RIN3: variants seen among roughly 807,000 people sequenced by gnomAD.
RIN3 encodes the protein Ras and Rab interactor 3, also known as RAB5 interacting protein 3.
In RIN3, 54 loss-of-function variants were observed where a neutral mutation model predicts 76.3. The ratio of observed to expected loss-of-function variants is 0.71; its 90% CI spans 0.57 to 0.89. The LOEUF (loss-of-function observed/expected upper bound fraction) is 0.89, where lower values mean the gene tolerates loss of function less well. RIN3 is among the 40% of genes least tolerant of loss of function. The pLI, the probability that RIN3 is intolerant of heterozygous loss-of-function variation, is 0.00. For missense variants in RIN3, 1,256 were observed against 1,322.1 expected (o/e 0.95, Z 0.78); for synonymous variants, 576 against 564.0 (o/e 1.02, Z -0.30).
chr14:92,604,420 G>A (rs1333372116), intron 3 of RIN3, among the ~76,000 whole-genome samples: 1 of 152,176 alleles, frequency 6.6e-6, no homozygotes, highest in Non-Finnish European at 1.5e-5. Context: ...AGGTGGATTT[G>A]GAATAGGTTG....
intron 7 of RIN3, among the ~76,000 whole-genome samples, chr14:92,672,682 G>GTGTA (rs1480464293): frequency 6.6e-6 from 1 of 152,080 alleles, no homozygotes; most frequent in Non-Finnish European, 1.5e-5. Context: ...GTGTGTGTGT[G>GTGTA]TGTGTGTATA....
Position 92,688,071 on chromosome 14 carries a change from T to C in RIN3, c.2777T>C (p.Leu926Pro), listed in dbSNP as rs1300655595. 24 of 1,605,562 alleles carry C rather than the reference T, an allele frequency of 1.5e-5. No homozygotes were observed. The highest frequency in any genetic ancestry group is 2.0e-5 in the Non-Finnish European group (24 of 1,177,200). Residue 926 changes from leucine to proline, a missense_variant, in exon 10 of 10, where the codon CTG becomes CCG. Transcript: ENST00000216487. ...ERPQAHRLFVLVDGRCFQLAD... is the reference protein window; with the variant it reads ...ERPQAHRLFVPVDGRCFQLAD... ...CCGCAGGCGCACCGGCTGTTCGTGCTGGTGGACGGGCGCTGCTTCCAGCTG... is the reference window on the plus strand; with the variant it reads ...CCGCAGGCGCACCGGCTGTTCGTGCCGGTGGACGGGCGCTGCTTCCAGCTG...
At chr14:92,607,122 T>C (rs1176588706) in intron 3 of RIN3, among the ~76,000 whole-genome samples, 6 of 152,226 alleles carry the variant, frequency 3.9e-5, no homozygotes. Context: ...CCAAACAGGA[T>C]ATACAGATGG....
intron 2 of RIN3, 156 bp from the exon 3 acceptor site, chr14:92,577,203 TG>T: frequency 1.7e-6 from 1 of 582,346 alleles, no homozygotes. Flanking sequence ...GCAAGGCTCT[TG>T]GGGCAGAACC....
chr14:92,556,537 A>G (rs373161962), intron 2 of RIN3, among the ~76,000 whole-genome samples: 1 of 152,076 alleles, frequency 6.6e-6, no homozygotes, highest in Non-Finnish European at 1.5e-5. Context: ...GGGAAGATAG[A>G]TGATGGATGG....
At chr14:92,671,776 G>A (rs184986541) in intron 7 of RIN3, among the ~76,000 whole-genome samples, 279 of 152,284 alleles carry the variant, frequency 1.8e-3, no homozygotes, top group Non-Finnish European at 2.9e-3. Flanking sequence ...TTTCTCACCC[G>A]TGGCCCTGTG....
chr14:92,687,884 A>G (rs1888924019), intron 9 of RIN3, 42 bp from the exon 10 acceptor site: 1 of 1,477,338 alleles, frequency 6.8e-7, no homozygotes, highest in Non-Finnish European at 9.0e-7. Context: ...GCCTGAGGAG[A>G]CAGGGCCCCG....
At chr14:92,556,611 T>C (rs79561030) in intron 2 of RIN3, among the ~76,000 whole-genome samples, 4 of 37,622 alleles carry the variant, frequency 1.1e-4, no homozygotes, top group Non-Finnish European at 2.3e-4. Flanking sequence ...CGTATGGACA[T>C]ACAGACAGAC....
chr14:92,676,528 C>T lies in RIN3; in HGVS notation c.2389C>T (p.Arg797Cys), dbSNP rs138513236. 49 of 1,614,124 alleles carry T rather than the reference C, an allele frequency of 3.0e-5. No homozygotes were observed. Among genetic ancestry groups the T allele is most frequent in the Admixed American group, 2.2e-4 (13 of 60,024 alleles). ...FLPVLMYVLA[R>C]SNLTEMLLNV... ...GCCTGTGCTCATGTATGTGCTGGCC[C>T]GCAGCAACCTCACGGAGATGCTTCT... The change falls in exon 8 of 10, where the codon CGC becomes TGC. Residue 797 changes from arginine to cysteine, a missense_variant. Coordinates refer to ENST00000216487, the MANE Select transcript of RIN3 (RefSeq NM_024832.5).
chr14:92,532,014 C>T (rs1025304856), intron 1 of RIN3, among the ~76,000 whole-genome samples: 16 of 150,736 alleles, frequency 1.1e-4, no homozygotes, highest in African/African-American at 3.7e-4. Flanking sequence ...CTGCAACCTC[C>T]GCCTCCTGGG....
intron 5 of RIN3, among the ~76,000 whole-genome samples, chr14:92,647,891 G>A (rs1048444461): frequency 6.6e-6 from 1 of 152,126 alleles, no homozygotes; most frequent in Non-Finnish European, 1.5e-5. Flanking sequence ...CAGCAAAATC[G>A]TGGCCTCAGT....
chr14:92,654,259 A>G (rs1013017143), intron 6 of RIN3, among the ~76,000 whole-genome samples: 1 of 151,988 alleles, frequency 6.6e-6, no homozygotes, highest in African/African-American at 2.4e-5. Context: ...GGTTGCAGTG[A>G]GCCGAGATTG....
chr14:92,599,450 A>AGTG (rs1885266432), intron 3 of RIN3, among the ~76,000 whole-genome samples: 1 of 152,210 alleles, frequency 6.6e-6, no homozygotes, highest in Non-Finnish European at 1.5e-5. Context: ...AAGAGGAGCC[A>AGTG]GTGGTGCCTC....
intron 3 of RIN3, among the ~76,000 whole-genome samples, chr14:92,589,787 G>C (rs17128410): frequency 0.033 from 5,088 of 152,288 alleles, 163 homozygotes; most frequent in Admixed American, 0.096. Context: ...GGGTGTTCAG[G>C]ATTAGAAAAC....
chr14:92,678,696 A>G (rs76806990), intron 8 of RIN3, among the ~76,000 whole-genome samples: 1,829 of 152,158 alleles, frequency 0.012, 29 homozygotes, highest in African/African-American at 0.042. Flanking sequence ...CCACTCGCCC[A>G]TCTACCCTTC....
intron 1 of RIN3, chr14:92,515,545 A>T (rs1896418363): frequency 2.2e-6 from 1 of 448,032 alleles, no homozygotes; most frequent in Admixed American, 4.2e-5. Flanking sequence ...GACTAAATAC[A>T]CAGAGTTGAA....
chr14:92,539,598 T>G (rs1206320537), intron 1 of RIN3, among the ~76,000 whole-genome samples: 1 of 152,092 alleles, frequency 6.6e-6, no homozygotes, highest in African/African-American at 2.4e-5. Context: ...TACCGTCACC[T>G]GTAAGCTTGG....
chr14:92,545,355 C>A lies in RIN3; in HGVS notation c.45-10396C>A, dbSNP rs1897236443. Reference sequence around the variant, plus strand: ...TTGATCTCCTGACCTCGTGATCCACCTGCCTCGGCCTCCCAAAGTGCTGGG... The same window carrying A: ...TTGATCTCCTGACCTCGTGATCCACATGCCTCGGCCTCCCAAAGTGCTGGG... On this transcript the variant is annotated intron_variant, in intron 1 of 9. Coordinates refer to ENST00000216487, the MANE Select transcript of RIN3 (RefSeq NM_024832.5). Among the ~76,000 whole-genome samples, 6 of 151,980 alleles carry A rather than the reference C, an allele frequency of 3.9e-5. No homozygotes were observed. The South Asian group carries it at 1.2e-3, about 31-fold the overall frequency.
chr14:92,540,664 C>CAGCTTCACACACGTCT (rs1256870120), intron 1 of RIN3, among the ~76,000 whole-genome samples: 70 of 152,316 alleles, frequency 4.6e-4, no homozygotes, highest in African/African-American at 1.6e-3. Flanking sequence ...AGCTGTGGCT[C>CAGCTTCACACACGTCT]AGCTTCACAC....
Sources: gnomAD v4.1 joint callset for allele counts (sites outside exome capture counted in the v4.1 genomes callset) on GRCh38, gnomAD v4.1.1 for gene constraint, MANE v1.5 for transcripts, NCBI Gene and HGNC (gene_info 2026-07-23, HGNC 2026-07-21) for gene names.